Variants in DCHS2 observed in about 807,000 individuals in gnomAD.
DCHS2 encodes the protein dachsous cadherin-related 2, also known as protocadherin-23.
Under a neutral mutation model 182.4 loss-of-function variants are expected in DCHS2, and 142 were observed. That is an observed-to-expected ratio of 0.78 (90% CI 0.68 to 0.89). The LOEUF is 0.89. DCHS2 is among the 40% of genes least tolerant of loss of function. The pLI, the probability that DCHS2 is intolerant of heterozygous loss-of-function variation, is 0.00. For missense variants in DCHS2, 4,319 were observed against 4,198.6 expected (o/e 1.03, Z -0.79); for synonymous variants, 1,740 against 1,663.3 (o/e 1.05, Z -1.12).
chr4:154,329,444 C>T, intron 6 of DCHS2, 79 bp downstream of exon 6: 3 of 1,385,612 alleles, frequency 2.2e-6, no homozygotes, highest in Non-Finnish European at 3.0e-6. Context: ...GTGATAAATT[C>T]ACAGGTTTTA....
At chr4:154,406,365 T>G (rs367886088) in intron 1 of DCHS2, among the ~76,000 whole-genome samples, 1 of 152,218 alleles carries the variant, frequency 6.6e-6, no homozygotes, top group Admixed American at 6.5e-5. Context: ...AAAGGCGCCC[T>G]GAATCAAAGT....
chr4:154,301,596 A>C (rs1488098873), intron 12 of DCHS2, among the ~76,000 whole-genome samples: 1 of 151,920 alleles, frequency 6.6e-6, no homozygotes, highest in African/African-American at 2.4e-5. Context: ...ACCTCTGCCT[A>C]CCGGGTTCAA....
chr4:154,375,547 C>T (rs188986362), intron 2 of DCHS2, among the ~76,000 whole-genome samples: 1 of 151,958 alleles, frequency 6.6e-6, no homozygotes, highest in African/African-American at 2.4e-5. Flanking sequence ...AGACACTTCA[C>T]AAATTATACG....
At chr4:154,357,447 A>C in intron 3 of DCHS2, 1 of 640,900 alleles carries the variant, frequency 1.6e-6, no homozygotes, top group East Asian at 2.7e-5. Context: ...CAAATAATTC[A>C]CAATCTTTCT....
At position 154,315,830 on chromosome 4, in the gene DCHS2, C is replaced by T. The variant is rs1380337159; in HGVS notation, c.5178G>A (p.Gln1726=). ...DVNDEAPVFK[Q]HLYEASVKEN... is the part of the protein sequence containing the mutation. ...CTTTCACTGAGGCTTCATACAGGTG[C>T]TGCTTAAATACTGGAGCTTCATCAT... Residue 1726 remains glutamine, a synonymous_variant, in exon 10 of 20, where the codon CAG becomes CAA. Transcript: ENST00000357232. The T allele has an allele frequency of 6.2e-7, 1 of 1,614,014 alleles. No homozygotes were observed. The highest frequency in any genetic ancestry group is 2.2e-5 in the East Asian group (1 of 44,864).
intron 3 of DCHS2, among the ~76,000 whole-genome samples, chr4:154,351,947 C>T (rs186276734): frequency 1.3e-5 from 2 of 152,136 alleles, no homozygotes; most frequent in Admixed American, 1.3e-4. Flanking sequence ...AGGCATTTTG[C>T]TATTTCTATG....
intron 1 of DCHS2, among the ~76,000 whole-genome samples, chr4:154,409,783 T>C (rs1234038313): frequency 6.6e-6 from 1 of 152,136 alleles, no homozygotes; most frequent in Non-Finnish European, 1.5e-5. Flanking sequence ...TTACCCATTA[T>C]AGGGAAAACA....
chr4:154,464,064 C>T (rs1735134976), intron 1 of DCHS2, among the ~76,000 whole-genome samples: 1 of 152,082 alleles, frequency 6.6e-6, no homozygotes, highest in African/African-American at 2.4e-5. Context: ...GAATTAACAC[C>T]TTAATGCCCA....
intron 1 of DCHS2, among the ~76,000 whole-genome samples, chr4:154,483,481 GA>G (rs1400458476): frequency 6.6e-6 from 1 of 152,160 alleles, no homozygotes; most frequent in African/African-American, 2.4e-5. Flanking sequence ...GTCAACTGAA[GA>G]AACATGAGAC....
intron 1 of DCHS2, among the ~76,000 whole-genome samples, chr4:154,378,562 A>AAGGAAGGT (rs1561078219): frequency 1.3e-5 from 2 of 151,340 alleles, no homozygotes; most frequent in African/African-American, 2.4e-5. Context: ...GGAAGGAAGG[A>AAGGAAGGT]AGGTAGGAAG....
chr4:154,419,430 C>T (rs1733005024), intron 1 of DCHS2, among the ~76,000 whole-genome samples: 1 of 151,926 alleles, frequency 6.6e-6, no homozygotes, highest in South Asian at 2.1e-4. Context: ...GCGGGTGGAT[C>T]ACCTGAGGTC....
intron 1 of DCHS2, among the ~76,000 whole-genome samples, chr4:154,435,109 C>T (rs930225243): frequency 6.6e-6 from 1 of 152,016 alleles, no homozygotes. Context: ...TGGAAATATA[C>T]GAGGTTAACA....
At chr4:154,446,039 A>G (rs1734272245) in intron 1 of DCHS2, among the ~76,000 whole-genome samples, 1 of 152,180 alleles carries the variant, frequency 6.6e-6, no homozygotes. Flanking sequence ...TTTTTAAAAT[A>G]ATTTCATCTA....
At chr4:154,307,557 T>G (rs1174850583) in intron 10 of DCHS2, among the ~76,000 whole-genome samples, 1 of 152,186 alleles carries the variant, frequency 6.6e-6, no homozygotes, top group Admixed American at 6.5e-5. Context: ...ATTTCTCTCC[T>G]TCTCCAGTCC....
At chr4:154,481,866 G>T (rs868221750) in intron 1 of DCHS2, among the ~76,000 whole-genome samples, 15 of 152,106 alleles carry the variant, frequency 9.9e-5, no homozygotes, top group African/African-American at 3.4e-4. Context: ...TTTTATCCAC[G>T]GGATTACTCT....
At chr4:154,414,029 C>T (rs899250074) in intron 1 of DCHS2, among the ~76,000 whole-genome samples, 5 of 152,082 alleles carry the variant, frequency 3.3e-5, no homozygotes, top group African/African-American at 7.2e-5. Context: ...ATTATCAAGA[C>T]TCTTCTCCTC....
intron 1 of DCHS2, among the ~76,000 whole-genome samples, chr4:154,443,821 G>C (rs1354189846): frequency 6.6e-6 from 1 of 152,172 alleles, no homozygotes; most frequent in African/African-American, 2.4e-5. Flanking sequence ...ATGAATCATG[G>C]AAAGTGAGGA....
intron 15 of DCHS2, among the ~76,000 whole-genome samples, chr4:154,258,419 C>T (rs1273377848): frequency 1.7e-5 from 2 of 114,574 alleles, no homozygotes. Context: ...CTCTTATTGC[C>T]CAGGCTGGAG....
chr4:154,309,268 T>C (rs928371182), intron 10 of DCHS2, among the ~76,000 whole-genome samples: 4 of 152,166 alleles, frequency 2.6e-5, no homozygotes, highest in African/African-American at 9.7e-5. Flanking sequence ...GGTCTGGGGA[T>C]CTGCAAACTA....
Sources: gnomAD v4.1 joint callset for allele counts (sites outside exome capture counted in the v4.1 genomes callset) on GRCh38, gnomAD v4.1.1 for gene constraint, MANE v1.5 for transcripts, NCBI Gene and HGNC (gene_info 2026-07-23, HGNC 2026-07-21) for gene names.